HIVEP1: variants seen among roughly 807,000 people sequenced by gnomAD.
HIVEP1 encodes zinc finger protein 40.
Under a neutral mutation model 180.0 loss-of-function variants are expected in HIVEP1, and 36 were observed. The observed-to-expected ratio is 0.20, with a 90% CI of 0.15 to 0.26. The LOEUF (loss-of-function observed/expected upper bound fraction) is 0.26, where lower values mean the gene tolerates loss of function less well. Among genes scored for constraint, HIVEP1 ranks in the 10% least tolerant of loss-of-function variants. The pLI, the probability that HIVEP1 is intolerant of heterozygous loss-of-function variation, is 1.00. For synonymous variants in HIVEP1, 1,239 were observed against 1,239.0 expected (o/e 1.00, Z 0.00); for missense variants, 3,143 against 3,268.7 (o/e 0.96, Z 0.94).
chr6:12,108,769 T>TCC (rs1774671080), intron 3 of HIVEP1, among the ~76,000 whole-genome samples: 3 of 152,102 alleles, frequency 2.0e-5, no homozygotes, highest in African/African-American at 7.2e-5. Flanking sequence ...CTCGCGCCTC[T>TCC]CCCTCCACAC....
At chr6:12,148,129 T>C (rs1449269404) in intron 7 of HIVEP1, among the ~76,000 whole-genome samples, 2 of 152,140 alleles carry the variant, frequency 1.3e-5, no homozygotes, top group Non-Finnish European at 2.9e-5. Flanking sequence ...ACAGTAGGAG[T>C]AGAAGAAGTG....
intron 2 of HIVEP1, among the ~76,000 whole-genome samples, chr6:12,032,158 T>TA (rs1768993168): frequency 6.7e-6 from 1 of 150,210 alleles, no homozygotes; most frequent in African/African-American, 2.5e-5. Context: ...TTTTTTTTTT[T>TA]GAGACAGAGT....
intron 2 of HIVEP1, among the ~76,000 whole-genome samples, chr6:12,016,256 G>A (rs761536588): frequency 1.1e-4 from 16 of 152,122 alleles, no homozygotes; most frequent in Non-Finnish European, 1.5e-4. Context: ...CATCAACCGC[G>A]AATACTTTTA....
intron 7 of HIVEP1, among the ~76,000 whole-genome samples, chr6:12,142,703 A>C (rs1192040293): frequency 6.6e-6 from 1 of 152,232 alleles, no homozygotes; most frequent in Non-Finnish European, 1.5e-5. Flanking sequence ...TAAAGGGGCT[A>C]TCACCACTGA....
intron 2 of HIVEP1, among the ~76,000 whole-genome samples, chr6:12,079,424 T>G (rs1561919517): frequency 6.6e-6 from 1 of 152,174 alleles, no homozygotes; most frequent in Non-Finnish European, 1.5e-5. Flanking sequence ...TAGACATTCT[T>G]AGCCATGAAG....
intron 2 of HIVEP1, among the ~76,000 whole-genome samples, chr6:12,028,863 C>T (rs533191723): frequency 6.6e-6 from 1 of 152,334 alleles, no homozygotes; most frequent in Non-Finnish European, 1.5e-5. Flanking sequence ...TGCAACCAAT[C>T]CTTGCTCCCA....
At chr6:12,088,019 A>G (rs914202259) in intron 2 of HIVEP1, among the ~76,000 whole-genome samples, 2 of 151,592 alleles carry the variant, frequency 1.3e-5, no homozygotes, top group Admixed American at 6.6e-5. Flanking sequence ...TGCCTTGGCA[A>G]GTTGGATCAA....
At chr6:12,104,834 T>C (rs1459792912) in intron 3 of HIVEP1, among the ~76,000 whole-genome samples, 1 of 152,320 alleles carries the variant, frequency 6.6e-6, no homozygotes, top group African/African-American at 2.4e-5. Context: ...TTTTCAAATA[T>C]GCTGTGTCTC....
chr6:12,143,327 A>G (rs191377186), intron 7 of HIVEP1, among the ~76,000 whole-genome samples: 4 of 152,342 alleles, frequency 2.6e-5, no homozygotes, highest in African/African-American at 7.2e-5. Flanking sequence ...TTTCAACAAA[A>G]TTCAATAGCC....
intron 3 of HIVEP1, among the ~76,000 whole-genome samples, chr6:12,112,844 T>C (rs959936484): frequency 6.6e-6 from 1 of 152,092 alleles, no homozygotes; most frequent in African/African-American, 2.4e-5. Context: ...TGAAATTTTA[T>C]TGGTGTGGGA....
intron 3 of HIVEP1, among the ~76,000 whole-genome samples, chr6:12,099,186 T>TG (rs1312432936): frequency 8.0e-5 from 12 of 149,800 alleles, no homozygotes; most frequent in Admixed American, 4.6e-4. Flanking sequence ...TCACTGAGTT[T>TG]TTTTTTTTTT....
At chr6:12,024,841 C>CT (rs1425555060) in intron 2 of HIVEP1, among the ~76,000 whole-genome samples, 1 of 152,192 alleles carries the variant, frequency 6.6e-6, no homozygotes, top group East Asian at 1.9e-4. Flanking sequence ...GTGCGCCTCT[C>CT]TGAGAGAATT....
the HIVEP1 span, among the ~76,000 whole-genome samples, chr6:12,176,233 GT>G: frequency 3.7e-4 from 49 of 133,450 alleles, no homozygotes; most frequent in East Asian, 2.6e-3. Context: ...TAAGTCTTGG[GT>G]TTTTTTTTTT....
In HIVEP1 at chr6:12,123,478, G is replaced by C. The variant is rs766804175; in HGVS notation, c.3683G>C (p.Arg1228Pro). 6.2e-7 allele frequency: 1 copy of C among 1,614,102 alleles called. No homozygotes were observed. Among genetic ancestry groups the C allele is most frequent in the Non-Finnish European group, 8.5e-7 (1 of 1,180,004 alleles). Residue 1228 changes from arginine to proline, a missense_variant, in exon 4 of 9, where the codon CGG (arginine) becomes CCG (proline). Transcript: ENST00000379388. ...TTAGGACAGCCCTCAAGACTTGTCC[G>C]GCAGCACAACATCCAAGTTCCAGAG... ...HVLGQPSRLV[R>P]QHNIQVPEIL...
Position 12,130,042 on chromosome 6 carries a change from T to G in HIVEP1, c.6209+150T>G. On this transcript the variant is annotated intron_variant, in intron 5 of 8. Transcript: ENST00000379388. ...AACAGAATCTCCATAGCAAAATATGTTAACATTATGTTAAATCATTTTATT... is the reference window on the plus strand; with the variant it reads ...AACAGAATCTCCATAGCAAAATATGGTAACATTATGTTAAATCATTTTATT... The G allele has an allele frequency of 8.1e-6, 5 of 615,964 alleles. No homozygotes were observed. In the South Asian group the frequency reaches 1.0e-4, roughly 13 times the overall value. 38.2% of individuals were successfully genotyped at this position (615,964 alleles called of 1,614,324 possible).
chr6:12,017,847 T>C (rs904948071), intron 2 of HIVEP1, among the ~76,000 whole-genome samples: 1 of 152,214 alleles, frequency 6.6e-6, no homozygotes, highest in Non-Finnish European at 1.5e-5. Context: ...CCCACTAGAC[T>C]CAGGAGCCCA....
the HIVEP1 span, among the ~76,000 whole-genome samples, chr6:12,173,650 A>G: frequency 1.3e-5 from 2 of 152,148 alleles, no homozygotes; most frequent in South Asian, 2.1e-4. Flanking sequence ...TGATGTCTAT[A>G]TATCTGTGGG....
chr6:12,097,450 A>T (rs971793812), intron 3 of HIVEP1, among the ~76,000 whole-genome samples: 1 of 152,120 alleles, frequency 6.6e-6, no homozygotes, highest in Non-Finnish European at 1.5e-5. Flanking sequence ...TTCATGAGGT[A>T]GACTGGCAGC....
At chr6:12,069,986 G>A (rs1439737834) in intron 2 of HIVEP1, among the ~76,000 whole-genome samples, 1 of 151,620 alleles carries the variant, frequency 6.6e-6, no homozygotes, top group Non-Finnish European at 1.5e-5. Context: ...CATTAGCCTA[G>A]CCCTGCACAG....
Sources: allele counts gnomAD v4.1 joint callset (sites outside exome capture counted in the v4.1 genomes callset), GRCh38; gene constraint gnomAD v4.1.1; transcripts MANE v1.5; gene names NCBI Gene and HGNC (gene_info 2026-07-23, HGNC 2026-07-21).